The following ATXN8OS variants were observed in gnomAD, a reference collection of about 807,000 sequenced individuals.
ATXN8OS encodes ATXN8 opposite strand lncRNA.
intron 3 of ATXN8OS, among the ~76,000 whole-genome samples, chr13:70,144,998 T>A (rs560601673): frequency 6.6e-6 from 1 of 152,184 alleles, no homozygotes; most frequent in Admixed American, 6.5e-5. Flanking sequence ...AACATGTAAG[T>A]CTTTAATCCA....
chr13:70,161,665 A>G (rs1889010003), intron 4 of ATXN8OS, among the ~76,000 whole-genome samples: 1 of 152,104 alleles, frequency 6.6e-6, no homozygotes, highest in South Asian at 2.1e-4. Flanking sequence ...TTCTTGCATG[A>G]GAACTTAAGC....
intron 4 of ATXN8OS, among the ~76,000 whole-genome samples, chr13:70,151,741 C>T (rs1020794955): frequency 7.9e-5 from 12 of 152,000 alleles, no homozygotes; most frequent in African/African-American, 2.7e-4. Context: ...AGTTGTATTT[C>T]AACAAGAATT....
intron 3 of ATXN8OS, among the ~76,000 whole-genome samples, chr13:70,133,266 A>T (rs900933647): frequency 9.2e-5 from 14 of 152,292 alleles, no homozygotes; most frequent in Middle Eastern, 6.8e-3. Context: ...AATAAAATTT[A>T]AAAAATACCC....
chr13:70,154,534 T>C (rs1241850445), intron 4 of ATXN8OS, among the ~76,000 whole-genome samples: 4 of 152,158 alleles, frequency 2.6e-5, no homozygotes, highest in African/African-American at 7.2e-5. Flanking sequence ...GTGTTGGTAC[T>C]GAGGCGGGAA....
At position 70,166,440 on chromosome 13, in the gene ATXN8OS, G is replaced by T. The variant is rs555738262; in HGVS notation, n.574-3313G>T. Among the ~76,000 whole-genome samples the T allele has an allele frequency of 2.2e-4, 34 of 152,108 alleles. 1 individual carries two copies. Among genetic ancestry groups the T allele is most frequent in the African/African-American group, 7.9e-4 (33 of 41,512 alleles). ...AAGGATTCCCTATTTAATAAATGGT[G>T]CTGGGAAAACTGGCTAGCCATATGT... On this transcript the variant is annotated intron_variant and non_coding_transcript_variant, in intron 4 of 4. Transcript: ENST00000678624.
chr13:70,123,236 G>A (rs976379914), intron 2 of ATXN8OS, among the ~76,000 whole-genome samples: 4 of 152,008 alleles, frequency 2.6e-5, no homozygotes, highest in African/African-American at 9.7e-5. Context: ...CCCATAAGTT[G>A]TAACTAATTG....
intron 1 of ATXN8OS, among the ~76,000 whole-genome samples, chr13:70,112,964 C>T (rs1271663388): frequency 5.0e-5 from 7 of 139,386 alleles, no homozygotes; most frequent in South Asian, 2.3e-4. Context: ...GCTCTGTCGC[C>T]GAGGCTGGAG....
intron 4 of ATXN8OS, among the ~76,000 whole-genome samples, chr13:70,152,746 G>C (rs1433039724): frequency 6.6e-6 from 1 of 152,068 alleles, no homozygotes; most frequent in Non-Finnish European, 1.5e-5. Context: ...TTCATCTCCA[G>C]AAGTGATTAT....
At chr13:70,120,884 A>T (rs1888350755) in intron 2 of ATXN8OS, among the ~76,000 whole-genome samples, 1 of 142,942 alleles carries the variant, frequency 7.0e-6, no homozygotes, top group African/African-American at 2.6e-5. Flanking sequence ...GAACACATGG[A>T]CGCAGGAAGG....
chr13:70,115,363 T>A, intron 2 of ATXN8OS: 1 of 397,230 alleles, frequency 2.5e-6, no homozygotes, highest in Non-Finnish European at 4.4e-6. Context: ...CAGAAACACC[T>A]CCCAAAAGGC....
intron 2 of ATXN8OS, among the ~76,000 whole-genome samples, chr13:70,124,632 T>G (rs563451234): frequency 6.6e-6 from 1 of 152,120 alleles, no homozygotes; most frequent in Non-Finnish European, 1.5e-5. Flanking sequence ...ACTCTAGTGA[T>G]AGAAGATCTC....
intron 1 of ATXN8OS, among the ~76,000 whole-genome samples, chr13:70,112,913 A>G (rs1412332353): frequency 1.7e-5 from 1 of 60,070 alleles, no homozygotes; most frequent in Non-Finnish European, 3.4e-5. Context: ...GGGACTTTAT[A>G]TATATAATTT....
chr13:70,122,662 T>C (rs969236289), intron 2 of ATXN8OS, among the ~76,000 whole-genome samples: 3 of 152,050 alleles, frequency 2.0e-5, no homozygotes, highest in Non-Finnish European at 2.9e-5. Context: ...AACTATGGTA[T>C]GTATATTTGA....
chr13:70,127,913 G>A (rs902105004), intron 2 of ATXN8OS, among the ~76,000 whole-genome samples: 6 of 152,154 alleles, frequency 3.9e-5, no homozygotes, highest in South Asian at 4.1e-4. Context: ...AAGAGAATGC[G>A]TGATAAATGA....
intron 2 of ATXN8OS, among the ~76,000 whole-genome samples, chr13:70,117,622 G>T (rs1888298563): frequency 6.6e-6 from 1 of 152,172 alleles, no homozygotes; most frequent in African/African-American, 2.4e-5. Flanking sequence ...CACAGGCTTT[G>T]AAATCAAATC....
exon 5 of ATXN8OS, among the ~76,000 whole-genome samples, chr13:70,171,498 C>T (rs1297410079): frequency 6.6e-6 from 1 of 152,058 alleles, no homozygotes; most frequent in Non-Finnish European, 1.5e-5. Context: ...TGGTGCAGTA[C>T]ATTTGTTTAT....
intron 1 of ATXN8OS, among the ~76,000 whole-genome samples, chr13:70,110,643 T>C (rs1004487049): frequency 3.9e-5 from 6 of 151,976 alleles, no homozygotes; most frequent in Non-Finnish European, 8.8e-5. Flanking sequence ...GGTTGGATAT[T>C]ATGGCTTAAC....
intron 3 of ATXN8OS, among the ~76,000 whole-genome samples, chr13:70,142,181 G>C (rs889796561): frequency 3.9e-5 from 6 of 152,068 alleles, no homozygotes; most frequent in Non-Finnish European, 7.4e-5. Flanking sequence ...ACCGTGCTTT[G>C]AACACATTTT....
chr13:70,135,534 C>T (rs1429395518), intron 3 of ATXN8OS, among the ~76,000 whole-genome samples: 1 of 152,088 alleles, frequency 6.6e-6, no homozygotes, highest in Non-Finnish European at 1.5e-5. Flanking sequence ...TTCTATTTCT[C>T]ATATCACCTT....
Sources: allele counts gnomAD v4.1 joint callset (sites outside exome capture counted in the v4.1 genomes callset), GRCh38; gene constraint gnomAD v4.1.1; transcripts MANE v1.5; gene names NCBI Gene and HGNC (gene_info 2026-07-23, HGNC 2026-07-21).